The following SLC39A11 variants were observed in gnomAD, a reference collection of about 807,000 sequenced individuals.
SLC39A11 encodes solute carrier family 39 member 11, also known as zinc transporter ZIP11.
In SLC39A11, 33 loss-of-function variants were observed where a neutral mutation model predicts 36.1. That is an observed-to-expected ratio of 0.91 (90% CI 0.69 to 1.22). The LOEUF is 1.22. SLC39A11 is among the 50% of genes most tolerant of loss of function. The pLI is 0.00. For synonymous variants in SLC39A11, 166 were observed against 170.3 expected (o/e 0.97, Z 0.20); for missense variants, 432 against 430.3 (o/e 1.00, Z -0.03).
At chr17:72,902,051 T>C (rs1304640262) in intron 5 of SLC39A11, among the ~76,000 whole-genome samples, 3 of 151,960 alleles carry the variant, frequency 2.0e-5, no homozygotes, top group Non-Finnish European at 2.9e-5. Context: ...GCGGGTGGAT[T>C]ACCTGAGGTC....
intron 5 of SLC39A11, among the ~76,000 whole-genome samples, chr17:72,936,018 G>A (rs968323058): frequency 1.3e-5 from 2 of 152,048 alleles, no homozygotes; most frequent in African/African-American, 2.4e-5. Flanking sequence ...CCAACATGGC[G>A]AAACCCTGTC....
intron 4 of SLC39A11, among the ~76,000 whole-genome samples, chr17:73,020,661 G>T (rs2058310324): frequency 6.7e-6 from 1 of 149,758 alleles, no homozygotes; most frequent in South Asian, 2.1e-4. Context: ...GGGTTTTTGG[G>T]GGGTCTTTTT....
chr17:72,768,570 A>G (rs1232688021), intron 6 of SLC39A11, among the ~76,000 whole-genome samples: 2 of 152,064 alleles, frequency 1.3e-5, no homozygotes, highest in South Asian at 4.1e-4. Context: ...GCAGGAACCG[A>G]GGCTTGCTTT....
chr17:72,720,554 G>A lies in SLC39A11; in HGVS notation c.671+16096C>T, dbSNP rs942055660. On this transcript the variant is annotated intron_variant, in intron 7 of 9. Coordinates refer to ENST00000255559, the MANE Select transcript of SLC39A11 (RefSeq NM_139177.4). Reference sequence around the variant, plus strand: ...GGGAGTGCTTGTCCTGGACCTGAGTGGAAATAGAAATGGGCTGGCCATCTA... The same window carrying A: ...GGGAGTGCTTGTCCTGGACCTGAGTAGAAATAGAAATGGGCTGGCCATCTA... Among the ~76,000 whole-genome samples, 6 of 152,248 alleles carry A rather than the reference G, an allele frequency of 3.9e-5. 1 individual carries two copies. The highest frequency in any genetic ancestry group is 6.8e-3 in the Middle Eastern group (2 of 294).
At chr17:72,660,000 C>T (rs755813767) in intron 7 of SLC39A11, among the ~76,000 whole-genome samples, 19 of 152,138 alleles carry the variant, frequency 1.2e-4, no homozygotes, top group Admixed American at 5.2e-4. Context: ...GGCCGGAGTG[C>T]GAAGTACCAC....
chr17:72,664,560 C>A (rs2070641453), intron 7 of SLC39A11, among the ~76,000 whole-genome samples: 1 of 152,192 alleles, frequency 6.6e-6, no homozygotes, highest in Non-Finnish European at 1.5e-5. Context: ...AAGGTGCAAG[C>A]CTCCATCATG....
chr17:72,682,231 T>C (rs1283432889), intron 7 of SLC39A11, among the ~76,000 whole-genome samples: 1 of 152,144 alleles, frequency 6.6e-6, no homozygotes. Flanking sequence ...CATATTACAA[T>C]GTGATTGTAA....
intron 3 of SLC39A11, among the ~76,000 whole-genome samples, chr17:73,042,777 G>A (rs1164350861): frequency 6.6e-6 from 1 of 152,138 alleles, no homozygotes; most frequent in African/African-American, 2.4e-5. Flanking sequence ...ACTGCAGCCT[G>A]GGCAACAAGA....
chr17:72,945,609 C>G (rs543202851), intron 5 of SLC39A11, among the ~76,000 whole-genome samples: 1 of 152,316 alleles, frequency 6.6e-6, no homozygotes, highest in Admixed American at 6.5e-5. Context: ...TCCCCAAGAG[C>G]TGCATTTGCT....
intron 2 of SLC39A11, among the ~76,000 whole-genome samples, chr17:73,087,998 C>T (rs763606366): frequency 2.0e-5 from 3 of 152,138 alleles, no homozygotes; most frequent in Non-Finnish European, 4.4e-5. Context: ...CCACTTGCTC[C>T]AGGCCTGAAA....
chr17:72,757,508 C>T (rs890060867), intron 6 of SLC39A11, among the ~76,000 whole-genome samples: 5 of 152,246 alleles, frequency 3.3e-5, no homozygotes, highest in South Asian at 2.1e-4. Context: ...TGCCTATGGT[C>T]GAGAGGACAG....
chr17:72,847,796 A>G (rs892078683), intron 6 of SLC39A11, among the ~76,000 whole-genome samples: 1 of 152,210 alleles, frequency 6.6e-6, no homozygotes, highest in Non-Finnish European at 1.5e-5. Flanking sequence ...CCACAATACT[A>G]AAGCCAGAAG....
At chr17:72,670,160 TACACACACACACACACACACACACAC>T (rs202032502) in intron 7 of SLC39A11, among the ~76,000 whole-genome samples, 22 of 104,670 alleles carry the variant, frequency 2.1e-4, no homozygotes, top group Admixed American at 1.5e-3. Flanking sequence ...ACATTTTATA[TACACACACACACACACACACACACAC>T]ACACACACAC....
At chr17:72,709,936 A>C (rs187793995) in intron 7 of SLC39A11, among the ~76,000 whole-genome samples, 5 of 152,326 alleles carry the variant, frequency 3.3e-5, no homozygotes, top group Admixed American at 3.3e-4. Flanking sequence ...CTGCATCCTC[A>C]GATTATTTTC....
intron 7 of SLC39A11, among the ~76,000 whole-genome samples, chr17:72,729,573 C>T (rs1373481084): frequency 6.9e-6 from 1 of 145,332 alleles, no homozygotes; most frequent in African/African-American, 2.5e-5. Context: ...GCTGGGATTA[C>T]AGGCATGAGC....
At chr17:72,730,782 CCT>C (rs1314016304) in intron 7 of SLC39A11, among the ~76,000 whole-genome samples, 1 of 152,162 alleles carries the variant, frequency 6.6e-6, no homozygotes, top group Non-Finnish European at 1.5e-5. Flanking sequence ...GCCTCAGCCC[CCT>C]GAGTAGATGG....
At chr17:73,017,376 CTGCAGCATAAAGAAA>C (rs988522086) in intron 4 of SLC39A11, among the ~76,000 whole-genome samples, 1 of 152,166 alleles carries the variant, frequency 6.6e-6, no homozygotes, top group Non-Finnish European at 1.5e-5. Context: ...ACTTTCCAAA[CTGCAGCATAAAGAAA>C]TGCAGCAGTA....
At chr17:72,733,974 G>C (rs1598491965) in intron 7 of SLC39A11, among the ~76,000 whole-genome samples, 1 of 152,238 alleles carries the variant, frequency 6.6e-6, no homozygotes, top group East Asian at 1.9e-4. Context: ...GTGTCAACAG[G>C]CACAACACTG....
intron 4 of SLC39A11, among the ~76,000 whole-genome samples, chr17:72,984,527 C>T (rs1333561655): frequency 2.6e-5 from 4 of 152,200 alleles, no homozygotes; most frequent in African/African-American, 9.7e-5. Context: ...AGCAGCTGTT[C>T]TCAAAGTGGG....
Sources: allele counts gnomAD v4.1 joint callset (sites outside exome capture counted in the v4.1 genomes callset), GRCh38; gene constraint gnomAD v4.1.1; transcripts MANE v1.5; gene names NCBI Gene and HGNC (gene_info 2026-07-23, HGNC 2026-07-21).